ZNF578: variants seen among roughly 807,000 people sequenced by gnomAD.
The protein encoded by ZNF578 is zinc finger protein 578.
In ZNF578, 8 loss-of-function variants were observed where a neutral mutation model predicts 8.3. The observed-to-expected ratio is 0.96, with a 90% CI of 0.56 to 1.74. ZNF578 has a LOEUF of 1.74. Among genes scored for constraint, ZNF578 ranks in the 40% most tolerant of loss-of-function variants. The probability of loss-of-function intolerance (pLI) is 0.00; values close to 1 mark genes in which losing one functional copy is unlikely to be tolerated. For missense variants in ZNF578, 726 were observed against 707.5 expected (o/e 1.03, Z -0.30); for synonymous variants, 206 against 232.2 (o/e 0.89, Z 1.03).
chr19:52,503,012 C>T (rs1486508040), intron 4 of ZNF578, among the ~76,000 whole-genome samples: 1 of 152,108 alleles, frequency 6.6e-6, no homozygotes, highest in Non-Finnish European at 1.5e-5. Context: ...TCTGCCTCAG[C>T]CTCCTGAGTT....
At chr19:52,482,869 AG>A (rs1449186356) in intron 2 of ZNF578, among the ~76,000 whole-genome samples, 1 of 148,166 alleles carries the variant, frequency 6.7e-6, no homozygotes, top group Non-Finnish European at 1.5e-5. Flanking sequence ...CCTGGCTGGG[AG>A]GCAGAGGTTG....
chr19:52,465,194 G>T (rs892285019), intron 2 of ZNF578, among the ~76,000 whole-genome samples: 1 of 152,028 alleles, frequency 6.6e-6, no homozygotes, highest in Non-Finnish European at 1.5e-5. Flanking sequence ...AGCCTGAATT[G>T]CCCCCTCCCC....
intron 2 of ZNF578, among the ~76,000 whole-genome samples, chr19:52,484,594 C>T (rs1041511066): frequency 6.6e-6 from 1 of 152,120 alleles, no homozygotes; most frequent in South Asian, 2.1e-4. Context: ...CTGTGACCTG[C>T]ACATACACAT....
chr19:52,486,226 C>T (rs2059345052), intron 2 of ZNF578, among the ~76,000 whole-genome samples: 4 of 152,138 alleles, frequency 2.6e-5, no homozygotes, highest in Non-Finnish European at 5.9e-5. Context: ...GTTTATGATG[C>T]AGAGACATTT....
intron 2 of ZNF578, among the ~76,000 whole-genome samples, chr19:52,489,528 C>T (rs1215395615): frequency 2.0e-5 from 3 of 151,800 alleles, no homozygotes; most frequent in Admixed American, 6.6e-5. Flanking sequence ...GCAAAGGTTG[C>T]GGTGAGCCAA....
At chr19:52,465,195 C>G (rs749903430) in intron 2 of ZNF578, among the ~76,000 whole-genome samples, 4 of 152,140 alleles carry the variant, frequency 2.6e-5, no homozygotes, top group Non-Finnish European at 5.9e-5. Flanking sequence ...GCCTGAATTG[C>G]CCCCTCCCCA....
chr19:52,504,915 ATCTTTGC>A lies in ZNF578; in HGVS notation c.190+139_190+145del, dbSNP rs530711347. On this transcript the variant is annotated intron_variant, in intron 5 of 5. Transcript: ENST00000421239. ...TGATTGTTTGTTTGGTTTGAGATGGATCTTTGCTCTTGTTTCCCAGGCTGGAGAGCAA... is the reference window on the plus strand; with the variant it reads ...TGATTGTTTGTTTGGTTTGAGATGGATCTTGTTTCCCAGGCTGGAGAGCAA... 1.2e-3 allele frequency: 1,589 copies of A among 1,317,086 alleles called. 1 individual carries two copies. The highest frequency in any genetic ancestry group is 3.7e-3 in the South Asian group (258 of 69,918). 81.6% of individuals were successfully genotyped at this position (1,317,086 alleles called of 1,614,324 possible).
intron 2 of ZNF578, among the ~76,000 whole-genome samples, chr19:52,466,527 C>T (rs949350812): frequency 1.3e-5 from 2 of 152,032 alleles, no homozygotes; most frequent in Non-Finnish European, 2.9e-5. Flanking sequence ...ATGTTTATAC[C>T]ATTTTTTACT....
intron 2 of ZNF578, among the ~76,000 whole-genome samples, chr19:52,481,701 A>G (rs1351785167): frequency 6.6e-6 from 1 of 152,136 alleles, no homozygotes; most frequent in Non-Finnish European, 1.5e-5. Flanking sequence ...AGTGGGAGAA[A>G]AAAATCACTT....
chr19:52,458,916 A>ATCTGT (rs1225534586), intron 2 of ZNF578: 1 of 152,206 alleles, frequency 6.6e-6, no homozygotes, highest in Non-Finnish European at 1.5e-5. Context: ...TGTTTGTCAT[A>ATCTGT]AGAGGTTCTT....
chr19:52,453,612 G>A lies in ZNF578; in HGVS notation c.-213+5G>A, dbSNP rs1030388129. 3 of 152,800 alleles carry A rather than the reference G, an allele frequency of 2.0e-5. No individual in the cohort carries two copies. The highest frequency in any genetic ancestry group is 2.9e-5 in the Non-Finnish European group (2 of 68,280). The allele number at this position is 152,800 out of a possible 1,614,324, so 9.5% of individuals were successfully genotyped here. ...GAGCCGGTCTTGGAGCAGCGGGTGA[G>A]TTTCCCTTTGTCTAGATTAGATCCG... is the stretch of plus-strand genomic sequence containing the variant. On this transcript the variant is annotated splice_donor_5th_base_variant and intron_variant, in intron 1 of 5. Transcript: ENST00000421239.
At chr19:52,462,201 C>CG (rs751922385) in intron 2 of ZNF578, among the ~76,000 whole-genome samples, 2 of 152,212 alleles carry the variant, frequency 1.3e-5, no homozygotes, top group Non-Finnish European at 2.9e-5. Flanking sequence ...GGACCGAACT[C>CG]TGTGAATGAG....
intron 2 of ZNF578, among the ~76,000 whole-genome samples, chr19:52,481,840 C>A (rs953894782): frequency 6.6e-6 from 1 of 151,930 alleles, no homozygotes; most frequent in African/African-American, 2.4e-5. Flanking sequence ...AAGCAATCCT[C>A]CTACTTCAGC....
chr19:52,489,464 T>C (rs969939063), intron 2 of ZNF578, among the ~76,000 whole-genome samples: 2 of 151,754 alleles, frequency 1.3e-5, no homozygotes, highest in Admixed American at 1.3e-4. Flanking sequence ...GGCGCATGCC[T>C]GTAATCCCAG....
At chr19:52,475,227 A>C (rs2059304277) in intron 2 of ZNF578, 3 of 223,138 alleles carry the variant, frequency 1.3e-5, no homozygotes, top group Admixed American at 1.2e-4. Flanking sequence ...TTACATTCAT[A>C]AGATTTTTCC....
At chr19:52,471,236 A>G (rs2059290851) in intron 2 of ZNF578, among the ~76,000 whole-genome samples, 1 of 152,288 alleles carries the variant, frequency 6.6e-6, no homozygotes, top group African/African-American at 2.4e-5. Context: ...CAATGTGAGA[A>G]TGGACTAATA....
chr19:52,499,419 TCTC>T (rs1402811676), intron 3 of ZNF578, among the ~76,000 whole-genome samples: 1 of 152,096 alleles, frequency 6.6e-6, no homozygotes, highest in African/African-American at 2.4e-5. Flanking sequence ...TGTCCAGTAG[TCTC>T]CTCAGCTCTC....
At chr19:52,493,302 G>A (rs1347985072) in intron 3 of ZNF578, among the ~76,000 whole-genome samples, 1 of 152,002 alleles carries the variant, frequency 6.6e-6, no homozygotes, top group East Asian at 1.9e-4. Context: ...AGGCGCCGTC[G>A]CCCCCTACGT....
At chr19:52,508,112 C>T (rs899568329) in intron 5 of ZNF578, among the ~76,000 whole-genome samples, 11 of 151,874 alleles carry the variant, frequency 7.2e-5, no homozygotes, top group Non-Finnish European at 1.3e-4. Context: ...TTTGGGAGGC[C>T]GCGCAGTGCA....
Sources: gnomAD v4.1 joint callset for allele counts (sites outside exome capture counted in the v4.1 genomes callset) on GRCh38, gnomAD v4.1.1 for gene constraint, MANE v1.5 for transcripts, NCBI Gene and HGNC (gene_info 2026-07-23, HGNC 2026-07-21) for gene names.